The following DNER variants were observed in gnomAD, a reference collection of about 807,000 sequenced individuals.
DNER encodes delta and Notch-like epidermal growth factor-related receptor.
Under a neutral mutation model 78.2 loss-of-function variants are expected in DNER, and 33 were observed. The ratio of observed to expected loss-of-function variants is 0.42; its 90% CI spans 0.32 to 0.56. The LOEUF is 0.56. Ranked by LOEUF, DNER falls within the 20% of genes least tolerant of loss-of-function variation. The pLI, the probability that DNER is intolerant of heterozygous loss-of-function variation, is 0.11. For synonymous variants in DNER, 417 were observed against 384.8 expected (o/e 1.08, Z -0.98); for missense variants, 918 against 975.3 (o/e 0.94, Z 0.78).
intron 1 of DNER, among the ~76,000 whole-genome samples, chr2:229,604,111 G>A (rs1336476115): frequency 6.6e-6 from 1 of 152,160 alleles, no homozygotes; most frequent in Non-Finnish European, 1.5e-5. Flanking sequence ...GAAAGCCAAT[G>A]AAACATGCCA....
chr2:229,479,720 AAAAAAAAAAAAC>A (rs1455617969), intron 6 of DNER, among the ~76,000 whole-genome samples: 23 of 134,392 alleles, frequency 1.7e-4, no homozygotes, highest in South Asian at 7.8e-4. Context: ...CTCAAAAAAA[AAAAAAAAAAAAC>A]AAAAAACCAT....
chr2:229,358,456 T>C lies in DNER; in HGVS notation c.*84A>G, dbSNP rs1692137749. The C allele has an allele frequency of 7.1e-6, 8 of 1,122,190 alleles. No individual in the cohort carries two copies. The highest frequency in any genetic ancestry group is 9.8e-6 in the Non-Finnish European group (8 of 819,612). 69.5% of individuals were successfully genotyped at this position (1,122,190 alleles called of 1,614,324 possible). A position where few individuals can be genotyped will look rare whatever the true frequency, so the allele number is the denominator to read the frequency against. On this transcript the variant is annotated 3_prime_UTR_variant, in exon 13 of 13. Transcript: ENST00000341772. ...GAAAACTCTTGAGCAGCTAGCATTT[T>C]AAATTTCTTAAGCTTTTTATTTTCT...
chr2:229,384,174 G>A (rs530805312), intron 11 of DNER, among the ~76,000 whole-genome samples: 35 of 152,238 alleles, frequency 2.3e-4, no homozygotes, highest in African/African-American at 6.5e-4. Context: ...GGTAAATAAC[G>A]AAATTAATGC....
At chr2:229,662,180 A>C (rs1699020052) in intron 1 of DNER, among the ~76,000 whole-genome samples, 1 of 152,172 alleles carries the variant, frequency 6.6e-6, no homozygotes, top group Non-Finnish European at 1.5e-5. Flanking sequence ...AAAAGAACAC[A>C]ATGTCGTCAG....
At chr2:229,526,844 G>A (rs926395275) in intron 5 of DNER, among the ~76,000 whole-genome samples, 1 of 152,174 alleles carries the variant, frequency 6.6e-6, no homozygotes, top group Non-Finnish European at 1.5e-5. Context: ...GTCTGTCACA[G>A]CGCTGTAGGG....
rs181982367 is a variant in DNER, at chr2:229,535,532, G to A, written c.993+11415C>T. Among the ~76,000 whole-genome samples, 226 of 152,150 alleles carry A rather than the reference G, an allele frequency of 1.5e-3. 1 individual carries two copies. The highest frequency in any genetic ancestry group is 2.4e-3 in the Non-Finnish European group (165 of 67,988). ...AATGCCCAGAGTCCACTGGTGCTTC[G>A]AAAAAGTGCTACTATACTATCCTCT... is the stretch of plus-strand genomic sequence containing the variant. On this transcript the variant is annotated intron_variant, in intron 5 of 12. Coordinates refer to ENST00000341772, the MANE Select transcript of DNER (RefSeq NM_139072.4).
intron 4 of DNER, among the ~76,000 whole-genome samples, chr2:229,572,130 T>C (rs922137041): frequency 6.6e-6 from 1 of 152,168 alleles, no homozygotes. Context: ...AAACAGAGCA[T>C]TCTCCCTCCC....
At chr2:229,504,529 T>C (rs2006726) in intron 6 of DNER, among the ~76,000 whole-genome samples, 152,351 of 152,386 alleles carry the variant, frequency 1, 76,158 homozygotes, top group Non-Finnish European at 1. Flanking sequence ...CCTGTAATAT[T>C]CTTTAGAATA....
At chr2:229,503,298 C>T (rs563263152) in intron 6 of DNER, among the ~76,000 whole-genome samples, 3 of 152,176 alleles carry the variant, frequency 2.0e-5, no homozygotes, top group African/African-American at 7.2e-5. Flanking sequence ...TTACCCTACA[C>T]GAATGGGTAT....
In DNER at chr2:229,682,421, T is replaced by C. The variant is rs567062952; in HGVS notation, c.276+31727A>G. Among the ~76,000 whole-genome samples, 3 of 152,368 alleles carry C rather than the reference T, an allele frequency of 2.0e-5. 1 individual carries two copies. The South Asian group carries it at 6.2e-4, about 32-fold the overall frequency. On this transcript the variant is annotated intron_variant, in intron 1 of 12. Coordinates refer to ENST00000341772, the MANE Select transcript of DNER (RefSeq NM_139072.4). The stretch of plus-strand genomic sequence containing the variant: ...CTCAAACTGTAGCTAAATATTTCAC[T>C]GAGGTTTTCAAAATACTCACAAAGA...
chr2:229,625,775 A>G (rs1017298707), intron 1 of DNER, among the ~76,000 whole-genome samples: 2 of 152,190 alleles, frequency 1.3e-5, no homozygotes, highest in African/African-American at 4.8e-5. Context: ...CAGGAATGCA[A>G]TAGGTGGCAT....
chr2:229,650,923 G>A (rs1182150149), intron 1 of DNER, among the ~76,000 whole-genome samples: 1 of 152,162 alleles, frequency 6.6e-6, no homozygotes, highest in African/African-American at 2.4e-5. Context: ...CCATTGTGTA[G>A]AGGACACATG....
intron 1 of DNER, among the ~76,000 whole-genome samples, chr2:229,689,060 T>C (rs780927879): frequency 7.2e-5 from 11 of 152,146 alleles, no homozygotes; most frequent in East Asian, 3.8e-4. Flanking sequence ...ACCTAGGGGA[T>C]TGGCTGATAG....
chr2:229,603,057 A>G (rs1469806952), intron 1 of DNER, among the ~76,000 whole-genome samples: 2 of 152,226 alleles, frequency 1.3e-5, no homozygotes, highest in Non-Finnish European at 2.9e-5. Flanking sequence ...AGAAACAGAA[A>G]GGATCACACA....
chr2:229,592,024 T>C (rs745684797), intron 1 of DNER, 136 bp from the exon 2 acceptor site: 4 of 1,191,996 alleles, frequency 3.4e-6, no homozygotes, highest in African/African-American at 1.5e-5. Context: ...CTTAACTACT[T>C]GTGCTGTTGT....
chr2:229,574,982 A>G (rs1205743742), intron 4 of DNER, among the ~76,000 whole-genome samples: 2 of 152,222 alleles, frequency 1.3e-5, no homozygotes, highest in Non-Finnish European at 2.9e-5. Context: ...GAAAAAGGGA[A>G]AGTTTTAAAG....
At chr2:229,578,225 C>G (rs555281835) in intron 4 of DNER, among the ~76,000 whole-genome samples, 1 of 152,118 alleles carries the variant, frequency 6.6e-6, no homozygotes, top group African/African-American at 2.4e-5. Flanking sequence ...GTCGGTCGCT[C>G]GCCCTGTCTC....
chr2:229,629,711 C>T (rs145365184), intron 1 of DNER, among the ~76,000 whole-genome samples: 98 of 152,314 alleles, frequency 6.4e-4, no homozygotes, highest in Non-Finnish European at 1.0e-3. Flanking sequence ...AAAGCATTCA[C>T]GTTTGAAAAG....
intron 1 of DNER, among the ~76,000 whole-genome samples, chr2:229,622,980 A>G (rs1284662436): frequency 2.6e-5 from 4 of 152,182 alleles, no homozygotes; most frequent in Non-Finnish European, 1.5e-5. Flanking sequence ...GGCCCCAGGA[A>G]TCTACTACAA....
Sources: gnomAD v4.1 joint callset for allele counts (sites outside exome capture counted in the v4.1 genomes callset) on GRCh38, gnomAD v4.1.1 for gene constraint, MANE v1.5 for transcripts, NCBI Gene and HGNC (gene_info 2026-07-23, HGNC 2026-07-21) for gene names.